The following CACNB4 variants were observed in gnomAD, a reference collection of about 807,000 sequenced individuals.
The protein encoded by CACNB4 is voltage-dependent L-type calcium channel subunit beta-4.
In CACNB4, 32 loss-of-function variants were observed where a neutral mutation model predicts 71.2. The ratio of observed to expected loss-of-function variants is 0.45; its 90% CI spans 0.34 to 0.60. The LOEUF is 0.60. Among genes scored for constraint, CACNB4 ranks in the 20% least tolerant of loss-of-function variants. The probability of loss-of-function intolerance (pLI) is 0.01; values close to 1 mark genes in which losing one functional copy is unlikely to be tolerated. For synonymous variants in CACNB4, 231 were observed against 236.9 expected (o/e 0.97, Z 0.23); for missense variants, 464 against 647.9 (o/e 0.72, Z 3.08).
chr2:151,880,981 T>C, intron 3 of CACNB4, 59 bp from the exon 4 acceptor site: 2 of 1,500,998 alleles, frequency 1.3e-6, no homozygotes, highest in Non-Finnish European at 1.8e-6. Flanking sequence ...GCATTTTTCA[T>C]ATTGAAACTC....
chr2:152,067,540 T>A (rs1186699725), intron 2 of CACNB4, among the ~76,000 whole-genome samples: 1 of 152,134 alleles, frequency 6.6e-6, no homozygotes, highest in Non-Finnish European at 1.5e-5. Flanking sequence ...TGGCTTTTTC[T>A]CCTTCCCTTT....
At chr2:152,038,100 A>T (rs1362638068) in intron 2 of CACNB4, among the ~76,000 whole-genome samples, 2 of 152,250 alleles carry the variant, frequency 1.3e-5, no homozygotes, top group African/African-American at 4.8e-5. Flanking sequence ...GGGATCTACC[A>T]TGCTGTATTT....
intron 8 of CACNB4, 150 bp downstream of exon 8, chr2:151,870,381 G>T: frequency 4.2e-6 from 3 of 717,428 alleles, no homozygotes; most frequent in Non-Finnish European, 7.7e-6. Flanking sequence ...AGGGCCTCAT[G>T]AGCCCCACAC....
intron 2 of CACNB4, among the ~76,000 whole-genome samples, chr2:151,932,773 T>C (rs1237251476): frequency 7.1e-6 from 1 of 140,806 alleles, no homozygotes; most frequent in African/African-American, 2.7e-5. Context: ...GAGGTTGCAG[T>C]GAGCTGAGAT....
chr2:151,910,363 G>A (rs1189239822), intron 2 of CACNB4, among the ~76,000 whole-genome samples: 1 of 151,946 alleles, frequency 6.6e-6, no homozygotes, highest in African/African-American at 2.4e-5. Flanking sequence ...TTGTGCAGAA[G>A]CTCTTTAATT....
chr2:151,914,704 G>C (rs1222354746), intron 2 of CACNB4, among the ~76,000 whole-genome samples: 1 of 146,626 alleles, frequency 6.8e-6, no homozygotes, highest in Non-Finnish European at 1.5e-5. Flanking sequence ...CTTTCTGCTT[G>C]TTTGTTTTTC....
At chr2:151,849,929 T>C (rs1346485490) in intron 12 of CACNB4, among the ~76,000 whole-genome samples, 1 of 152,122 alleles carries the variant, frequency 6.6e-6, no homozygotes, top group Non-Finnish European at 1.5e-5. Flanking sequence ...GGAACACAGC[T>C]ACACCCATTT....
intron 2 of CACNB4, among the ~76,000 whole-genome samples, chr2:151,920,104 A>G (rs2099858541): frequency 6.6e-6 from 1 of 152,186 alleles, no homozygotes; most frequent in South Asian, 2.1e-4. Flanking sequence ...TTTAGAAATT[A>G]TTAGGTGTCA....
chr2:151,878,737 G>A (rs1211571381), intron 4 of CACNB4, among the ~76,000 whole-genome samples: 1 of 152,020 alleles, frequency 6.6e-6, no homozygotes, highest in East Asian at 1.9e-4. Flanking sequence ...CTAGTGTAGT[G>A]CACTATACTA....
chr2:151,946,553 T>A (rs1163995202), intron 2 of CACNB4, among the ~76,000 whole-genome samples: 1 of 152,150 alleles, frequency 6.6e-6, no homozygotes, highest in African/African-American at 2.4e-5. Context: ...TAGCATTCCT[T>A]AACAATATAT....
chr2:151,878,894 G>A (rs1170407771), intron 4 of CACNB4, among the ~76,000 whole-genome samples: 1 of 152,050 alleles, frequency 6.6e-6, no homozygotes. Flanking sequence ...CTGGAAAACA[G>A]AGCGAGAACC....
intron 2 of CACNB4, among the ~76,000 whole-genome samples, chr2:152,049,625 C>A (rs1685317367): frequency 6.6e-6 from 1 of 151,918 alleles, no homozygotes; most frequent in Admixed American, 6.6e-5. Context: ...CTCTCTCTCC[C>A]TGACCTTCTT....
chr2:152,048,455 A>G (rs972867526), intron 2 of CACNB4: 2 of 152,294 alleles, frequency 1.3e-5, no homozygotes, highest in African/African-American at 4.8e-5. Flanking sequence ...GAATCTGTCC[A>G]ATAGGAAACC....
chr2:152,003,484 T>TA (rs901819517), intron 2 of CACNB4, among the ~76,000 whole-genome samples: 16 of 152,116 alleles, frequency 1.1e-4, no homozygotes, highest in African/African-American at 3.6e-4. Context: ...TCTCATAACT[T>TA]ACACAGCCCC....
In CACNB4 at chr2:151,839,157, G is replaced by C; in HGVS notation, c.1525C>G (p.Pro509Ala). The stretch of plus-strand genomic sequence containing the variant: ...CGGGAGTCATGGCTATATCCCCCAG[G>C]TGATCCTCGGTTCCTATGGGGTTTG... ...TYKPHRNRGS[P>A]GGYSHDSRHR... Residue 509 changes from proline to alanine, a missense_variant, in exon 14 of 14, where the codon CCT becomes GCT. Transcript: ENST00000539935. 2 of 1,613,378 alleles carry C rather than the reference G, an allele frequency of 1.2e-6. No homozygotes were observed. Among genetic ancestry groups the C allele is most frequent in the Non-Finnish European group, 1.7e-6 (2 of 1,179,392 alleles).
intron 2 of CACNB4, among the ~76,000 whole-genome samples, chr2:151,896,004 C>A (rs574421366): frequency 1.2e-4 from 19 of 152,044 alleles, no homozygotes; most frequent in Non-Finnish European, 2.8e-4. Context: ...GCCATGATAT[C>A]CAGCTAATTT....
chr2:152,064,189 G>A (rs796762500), intron 2 of CACNB4, among the ~76,000 whole-genome samples: 8 of 152,296 alleles, frequency 5.3e-5, no homozygotes, highest in African/African-American at 1.9e-4. Flanking sequence ...TCACATTGTT[G>A]AAGTGCATGA....
chr2:151,913,417 A>G (rs4603764), intron 2 of CACNB4, among the ~76,000 whole-genome samples: 145,115 of 152,188 alleles, frequency 0.95, 69,565 homozygotes, highest in East Asian at 1. Flanking sequence ...TTTCTCCTTC[A>G]CTTATGAACC....
intron 2 of CACNB4, among the ~76,000 whole-genome samples, chr2:151,908,169 T>C (rs2099855264): frequency 1.3e-5 from 2 of 152,296 alleles, no homozygotes; most frequent in South Asian, 2.1e-4. Flanking sequence ...GGGAGTCTGA[T>C]TGCAGCCAAA....
Sources: gnomAD v4.1 joint callset for allele counts (sites outside exome capture counted in the v4.1 genomes callset) on GRCh38, gnomAD v4.1.1 for gene constraint, MANE v1.5 for transcripts, NCBI Gene and HGNC (gene_info 2026-07-23, HGNC 2026-07-21) for gene names.